The following NUP107 variants were observed in gnomAD, a reference collection of about 807,000 sequenced individuals.
NUP107 encodes the protein nucleoporin 107, also known as nuclear pore complex protein Nup107.
A neutral mutation model predicts 141.0 loss-of-function variants in NUP107; 101 were observed. The ratio of observed to expected loss-of-function variants is 0.72; its 90% CI spans 0.61 to 0.84. The LOEUF (loss-of-function observed/expected upper bound fraction) is 0.84, where lower values mean the gene tolerates loss of function less well. Among genes scored for constraint, NUP107 ranks in the 40% least tolerant of loss-of-function variants. The pLI is 0.00. For missense variants in NUP107, 941 were observed against 1,102.7 expected, an observed-to-expected ratio of 0.85 and a Z score of 2.08; for synonymous variants, 319 against 363.9, an observed-to-expected ratio of 0.88 and a Z score of 1.41.
intron 6 of NUP107, 46 bp downstream of exon 6, chr12:68,696,968 G>C (rs759401593): frequency 8.1e-7 from 1 of 1,234,224 alleles, no homozygotes; most frequent in African/African-American, 1.5e-5. Flanking sequence ...AGTATTTTTA[G>C]TTTTCATAAA....
In NUP107 at chr12:68,728,812, G is replaced by A. The variant is rs539638299; in HGVS notation, c.1734+1423G>A. ...AAAAATCATAAGGAAGAGAAACTAC[G>A]TTTATAGTACTATACTGTACCTGTT... On this transcript the variant is annotated intron_variant, in intron 20 of 27. Transcript: ENST00000229179. 1.7e-4 allele frequency among the ~76,000 whole-genome samples: 26 copies of A among 151,278 alleles called. No individual in the cohort carries two copies. In the East Asian group the frequency reaches 4.1e-3, roughly 24 times the overall value.
intron 13 of NUP107, 39 bp downstream of exon 13, chr12:68,719,470 G>A: frequency 6.3e-7 from 1 of 1,581,332 alleles, no homozygotes. Flanking sequence ...TGAGGACAAA[G>A]GCATTTCGCT....
chr12:68,712,539 A>G (rs1208349631), intron 10 of NUP107, among the ~76,000 whole-genome samples: 1 of 151,736 alleles, frequency 6.6e-6, no homozygotes, highest in Non-Finnish European at 1.5e-5. Flanking sequence ...AATTACTGCT[A>G]CTAAGCATTT....
chr12:68,693,049 C>T (rs1423569564), intron 5 of NUP107, among the ~76,000 whole-genome samples: 10 of 150,962 alleles, frequency 6.6e-5, no homozygotes, highest in African/African-American at 1.7e-4. Context: ...TGCGCCTGGC[C>T]GCCAGCTAAT....
intron 9 of NUP107, 89 bp downstream of exon 9, chr12:68,709,398 CTG>C (rs752367271): frequency 2.4e-5 from 17 of 700,564 alleles, no homozygotes; most frequent in East Asian, 1.7e-4. Context: ...TAACTTAAAA[CTG>C]TTTTCTGAAT....
intron 10 of NUP107, among the ~76,000 whole-genome samples, chr12:68,713,230 C>T (rs1456180423): frequency 6.6e-6 from 1 of 151,802 alleles, no homozygotes; most frequent in Non-Finnish European, 1.5e-5. Context: ...AAAATGTTAG[C>T]AGGGCATGGT....
chr12:68,694,202 T>G (rs1047460547), intron 5 of NUP107, among the ~76,000 whole-genome samples: 1 of 152,216 alleles, frequency 6.6e-6, no homozygotes, highest in African/African-American at 2.4e-5. Context: ...CTCAAAATAC[T>G]TTCTACTTAG....
chr12:68,734,857 TGTGCCTACTGC>T (rs1159465177), intron 25 of NUP107, 24 bp downstream of exon 25: 9 of 1,603,976 alleles, frequency 5.6e-6, no homozygotes, highest in Admixed American at 3.5e-5. Flanking sequence ...GGATCTAGGA[TGTGCCTACTGC>T]ATCTTATAAA....
chr12:68,688,807 C>T (rs987485645), intron 1 of NUP107, among the ~76,000 whole-genome samples, 155 bp from the exon 2 acceptor site: 1 of 152,040 alleles, frequency 6.6e-6, no homozygotes, highest in Non-Finnish European at 1.5e-5. Context: ...GATTTGGAGC[C>T]AGGAGTGCGT....
In NUP107 at chr12:68,722,137, A is replaced by G; in HGVS notation, c.1491A>G (p.Gln497=). Residue 497 remains glutamine, a synonymous_variant, in exon 17 of 28, where the codon CAA becomes CAG. Transcript: ENST00000229179. ...WTLEKVFEEL[Q]ATDKKRVLEE... The stretch of plus-strand genomic sequence containing the variant: ...TAGAAAAGGTTTTTGAGGAACTTCA[A>G]GCTACTGACAAAAAGGTAAATGTTA... 6.2e-7 allele frequency: 1 copy of G among 1,613,650 alleles called. No individual in the cohort carries two copies. The highest frequency in any genetic ancestry group is 8.5e-7 in the Non-Finnish European group (1 of 1,179,778).
chr12:68,731,468 A>T, intron 21 of NUP107, 139 bp from the exon 22 acceptor site: 2 of 626,828 alleles, frequency 3.2e-6, no homozygotes, highest in Non-Finnish European at 5.1e-6. Context: ...ATTTTCTTTT[A>T]TATAAATATC....
chr12:68,696,123 T>C (rs1323880356), intron 5 of NUP107, among the ~76,000 whole-genome samples: 1 of 151,874 alleles, frequency 6.6e-6, no homozygotes, highest in Non-Finnish European at 1.5e-5. Flanking sequence ...CCCAACACTT[T>C]GGGAGGCCAA....
At chr12:68,694,278 A>G (rs1875945195) in intron 5 of NUP107, among the ~76,000 whole-genome samples, 1 of 152,230 alleles carries the variant, frequency 6.6e-6, no homozygotes, top group Admixed American at 6.5e-5. Context: ...TTTCTCCACT[A>G]CTTTGTAATG....
In NUP107 at chr12:68,693,061, T is replaced by TTTTA. The variant is rs1168023711; in HGVS notation, c.448+973_448+976dup. 5.5e-4 allele frequency among the ~76,000 whole-genome samples: 82 copies of TTTTA among 149,462 alleles called. No individual in the cohort carries two copies. In the East Asian group the frequency reaches 0.011, roughly 21 times the overall value. ...CACTGCGCCTGGCCGCCAGCTAATT[T>TTTTA]TTTATTTATTTATTTATTTATTTAT... On this transcript the variant is annotated intron_variant, in intron 5 of 27. Transcript: ENST00000229179.
chr12:68,708,138 T>C (rs1876683585), intron 8 of NUP107, among the ~76,000 whole-genome samples: 1 of 152,124 alleles, frequency 6.6e-6, no homozygotes. Flanking sequence ...ACATTTTATA[T>C]AAGGGCCTTG....
In NUP107 at chr12:68,743,537, A is replaced by C. The variant is rs924222946; in HGVS notation, c.*1075A>C. ...AAAGGCAAAGAGTGACACAAGAAGG[A>C]TGAGGCTCTATAGATTAAGAAATCA... On this transcript the variant is annotated 3_prime_UTR_variant, in exon 28 of 28. Coordinates refer to ENST00000229179, the MANE Select transcript of NUP107 (RefSeq NM_020401.4). 6.6e-6 allele frequency: 1 copy of C among 152,268 alleles called. No individual in the cohort carries two copies. Among genetic ancestry groups the C allele is most frequent in the African/African-American group, 2.4e-5 (1 of 41,468 alleles). 9.4% of individuals were successfully genotyped at this position (152,268 alleles called of 1,614,324 possible).
intron 10 of NUP107, among the ~76,000 whole-genome samples, chr12:68,711,211 C>A (rs1256465498): frequency 6.6e-6 from 1 of 151,862 alleles, no homozygotes; most frequent in South Asian, 2.1e-4. Flanking sequence ...ATTAGCCAGG[C>A]GTGGTGGCGG....
rs572424756 is a variant in NUP107 at position 68,709,328 on chromosome 12, ATTTT to A, written c.801+25_801+28del. ...AAGTCAGGTATGACTAGAATTTAAA[ATTTT>A]TTTTTATGAAACATGGAGAAAAGGT... is the stretch of plus-strand genomic sequence containing the variant. On this transcript the variant is annotated intron_variant, in intron 9 of 27. Transcript: ENST00000229179. The A allele has an allele frequency of 2.7e-6, 4 of 1,457,662 alleles. No individual in the cohort carries two copies. In the South Asian group the frequency reaches 5.0e-5, roughly 18 times the overall value. 90.3% of individuals were successfully genotyped at this position (1,457,662 alleles called of 1,614,324 possible). A position where few individuals can be genotyped will look rare whatever the true frequency, so the allele number is the denominator to read the frequency against.
chr12:68,725,576 T>C, intron 17 of NUP107, 151 bp from the exon 18 acceptor site: 1 of 508,172 alleles, frequency 2.0e-6, no homozygotes, highest in Non-Finnish European at 3.4e-6. Context: ...TTCCATGTTT[T>C]ATTTTGTTTT....
Sources: allele counts gnomAD v4.1 joint callset (sites outside exome capture counted in the v4.1 genomes callset), GRCh38; gene constraint gnomAD v4.1.1; transcripts MANE v1.5; gene names NCBI Gene and HGNC (gene_info 2026-07-23, HGNC 2026-07-21).